Variants in NIPA1 observed in about 807,000 individuals in gnomAD.
NIPA1 encodes the protein NIPA magnesium transporter 1, also known as magnesium transporter NIPA1.
In NIPA1, 13 loss-of-function variants were observed where a neutral mutation model predicts 23.9. The observed-to-expected ratio is 0.54, with a 90% CI of 0.35 to 0.87. The LOEUF is 0.87. NIPA1 is among the 40% of genes least tolerant of loss of function. The pLI is 0.01. For synonymous variants in NIPA1, 234 were observed against 202.9 expected, an observed-to-expected ratio of 1.15 and a Z score of -1.30; for missense variants, 362 against 429.7, an observed-to-expected ratio of 0.84 and a Z score of 1.39.
intron 3 of NIPA1, 58 bp from the exon 4 acceptor site, chr15:22,820,255 A>T: frequency 8.3e-7 from 1 of 1,207,692 alleles, no homozygotes. Context: ...ATCTGCTGTT[A>T]GAAGAAAGGT....
At chr15:22,788,336 C>T (rs964106191) in intron 1 of NIPA1, among the ~76,000 whole-genome samples, 1 of 151,854 alleles carries the variant, frequency 6.6e-6, no homozygotes, top group African/African-American at 2.4e-5. Context: ...CCCATCTCTA[C>T]TAAAAATACA....
chr15:22,816,509 T>TTTC (rs1895423056), intron 3 of NIPA1, among the ~76,000 whole-genome samples: 1 of 132,948 alleles, frequency 7.5e-6, no homozygotes, highest in Non-Finnish European at 1.6e-5. Context: ...TTTTTTTTTT[T>TTTC]CAGATGGAGT....
At position 22,787,454 on chromosome 15, in the gene NIPA1, G is replaced by T. The variant is rs76483819; in HGVS notation, c.178+620G>T. On this transcript the variant is annotated intron_variant, in intron 1 of 4. Transcript: ENST00000337435. Reference sequence around the variant, plus strand: ...GCTGCGCCTTAGACCTGCACCAAATGAATACAAGTGATCTTCAGTTTGGAG... The same window carrying T: ...GCTGCGCCTTAGACCTGCACCAAATTAATACAAGTGATCTTCAGTTTGGAG... Among the ~76,000 whole-genome samples the T allele has an allele frequency of 2.4e-3, 370 of 152,350 alleles. 3 individuals carry two copies. Among genetic ancestry groups the T allele is most frequent in the African/African-American group, 8.3e-3 (347 of 41,582 alleles).
rs201663769 is a variant in NIPA1, at chr15:22,790,422, CTTTT to C, written c.178+3601_178+3604del. 3.0e-5 allele frequency among the ~76,000 whole-genome samples: 4 copies of C among 133,334 alleles called. No individual in the cohort carries two copies. The East Asian group carries it at 6.4e-4, about 21-fold the overall frequency. The allele number at this position is 133,334 out of a possible 152,430, so 87.5% of individuals were successfully genotyped here. On this transcript the variant is annotated intron_variant, in intron 1 of 4. Coordinates refer to ENST00000337435, the MANE Select transcript of NIPA1 (RefSeq NM_144599.5). ...CCTCCCGCCTCGGCCTCCCAAAGTG[CTTTT>C]TTTTTTTTTTTTGAGACGGAGTTTT...
intron 1 of NIPA1, among the ~76,000 whole-genome samples, chr15:22,792,369 T>TC (rs1261140221): frequency 1.3e-5 from 2 of 151,462 alleles, no homozygotes; most frequent in Non-Finnish European, 2.9e-5. Context: ...CTTTTTTCTT[T>TC]TTTTTTTGAG....
intron 2 of NIPA1, chr15:22,811,104 A>G (rs1339356669): frequency 5.1e-6 from 2 of 389,030 alleles, no homozygotes; most frequent in Non-Finnish European, 9.4e-6. Context: ...CGAAGAAATT[A>G]AAACAGCTCC....
rs980920949 is a variant in NIPA1 at position 22,818,675 on chromosome 15, T to C, written c.318-1638T>C. ...CCCAGGGCATGGTGGCGGGCATCTGTAATCCCAGCTACTCGGGAGGCTGAG... is the reference window on the plus strand; with the variant it reads ...CCCAGGGCATGGTGGCGGGCATCTGCAATCCCAGCTACTCGGGAGGCTGAG... On this transcript the variant is annotated intron_variant, in intron 3 of 4. Coordinates refer to ENST00000337435, the MANE Select transcript of NIPA1 (RefSeq NM_144599.5). Among the ~76,000 whole-genome samples, 11 of 151,850 alleles carry C rather than the reference T, an allele frequency of 7.2e-5. No homozygotes were observed. In the East Asian group the frequency reaches 1.9e-3, roughly 27 times the overall value.
Position 22,826,272 on chromosome 15 carries a change from A to G in NIPA1, c.*2033A>G, listed in dbSNP as rs1281602397. On this transcript the variant is annotated 3_prime_UTR_variant, in exon 5 of 5. Transcript: ENST00000337435. The stretch of plus-strand genomic sequence containing the variant: ...GTGAACTGAGAGCAGCAACAACATT[A>G]TTTTTTAAAAATCTTAAATCCTCTC... The G allele has an allele frequency of 8.8e-6, 1 of 114,058 alleles. No homozygotes were observed. Among genetic ancestry groups the G allele is most frequent in the Non-Finnish European group, 1.9e-5 (1 of 52,598 alleles). 7.1% of individuals were successfully genotyped at this position (114,058 alleles called of 1,614,324 possible). A position where few individuals can be genotyped will look rare whatever the true frequency, so the allele number is the denominator to read the frequency against.
At chr15:22,803,054 T>C (rs1895119878) in intron 1 of NIPA1, among the ~76,000 whole-genome samples, 1 of 152,012 alleles carries the variant, frequency 6.6e-6, no homozygotes, top group Non-Finnish European at 1.5e-5. Context: ...CCTACCGGGT[T>C]CAAGCGATTC....
intron 1 of NIPA1, among the ~76,000 whole-genome samples, chr15:22,802,606 G>T (rs533168261): frequency 1.3e-5 from 2 of 151,836 alleles, no homozygotes; most frequent in Non-Finnish European, 2.9e-5. Context: ...GATCTTAAAG[G>T]TACAGTTTGA....
In NIPA1 at chr15:22,820,410, C is replaced by G; in HGVS notation, c.415C>G (p.His139Asp). 6.2e-7 allele frequency: 1 copy of G among 1,612,628 alleles called. No individual in the cohort carries two copies. Among genetic ancestry groups the G allele is most frequent in the Non-Finnish European group, 8.5e-7 (1 of 1,178,622 alleles). Residue 139 changes from histidine (H) to aspartate (D), a missense_variant, in exon 4 of 5, where the codon CAC (histidine) becomes GAC (aspartate). Physicochemically the swap from His to Asp is moderately conservative, Grantham distance 81. Around this residue, in one of 2 missense-constraint regions of NIPA1, gnomAD observed 277 missense variants for 372.0 expected, o/e 0.74. Coordinates refer to ENST00000337435, the MANE Select transcript of NIPA1 (RefSeq NM_144599.5). ...SCAGSVVLII[H>D]SPKSESVTTQ... Reference sequence around the variant, plus strand: ...TGCAGGCTCCGTCGTGCTGATTATCCACTCCCCAAAGTCTGAGAGTGTGAC... The same window carrying G: ...TGCAGGCTCCGTCGTGCTGATTATCGACTCCCCAAAGTCTGAGAGTGTGAC...
At position 22,805,412 on chromosome 15, in the gene NIPA1, C is replaced by T. The variant is rs533287225; in HGVS notation, c.179-5337C>T. On this transcript the variant is annotated intron_variant, in intron 1 of 4. Transcript: ENST00000337435. Reference sequence around the variant, plus strand: ...TCTTAGAGAACTCTGTAGGACCGGGCGCGGTGGCTCACGCCTGTAATCCCA... The same window carrying T: ...TCTTAGAGAACTCTGTAGGACCGGGTGCGGTGGCTCACGCCTGTAATCCCA... Among the ~76,000 whole-genome samples the T allele has an allele frequency of 2.4e-3, 372 of 152,142 alleles. 2 individuals carry two copies. The highest frequency in any genetic ancestry group is 4.2e-3 in the South Asian group (20 of 4,810).
In NIPA1 at chr15:22,813,146, G is replaced by T. The variant is rs1276230956; in HGVS notation, c.317+893G>T. 2.6e-5 allele frequency among the ~76,000 whole-genome samples: 4 copies of T among 152,086 alleles called. No homozygotes were observed. In the South Asian group the frequency reaches 6.2e-4, roughly 24 times the overall value. ...GGATTTTTATTGTAGTTAGGTGGTG[G>T]GGTGGGCTGGGGGGCGGTTTGCATG... is the stretch of plus-strand genomic sequence containing the variant. On this transcript the variant is annotated intron_variant, in intron 3 of 4. Coordinates refer to ENST00000337435, the MANE Select transcript of NIPA1 (RefSeq NM_144599.5).
At chr15:22,800,960 G>A (rs1249605748) in intron 1 of NIPA1, among the ~76,000 whole-genome samples, 2 of 145,342 alleles carry the variant, frequency 1.4e-5, no homozygotes, top group African/African-American at 5.2e-5. Context: ...AAAAAAATTA[G>A]CCTGGTGTGA....
chr15:22,801,238 A>G (rs1035283412), intron 1 of NIPA1, among the ~76,000 whole-genome samples: 3 of 152,162 alleles, frequency 2.0e-5, no homozygotes, highest in Admixed American at 6.6e-5. Flanking sequence ...TTTACAGGGC[A>G]TGGACATTTC....
intron 1 of NIPA1, among the ~76,000 whole-genome samples, chr15:22,805,180 T>G (rs1239861399): frequency 6.6e-6 from 1 of 152,114 alleles, no homozygotes; most frequent in African/African-American, 2.4e-5. Context: ...GTCATAAAAC[T>G]TTGTCTTTTT....
rs1292853872 is a variant in NIPA1, at chr15:22,826,095, G to A, written c.*1856G>A. 1 of 152,108 alleles carries A rather than the reference G, an allele frequency of 6.6e-6. No individual in the cohort carries two copies. The highest frequency in any genetic ancestry group is 2.4e-5 in the African/African-American group (1 of 41,426). 9.4% of individuals were successfully genotyped at this position (152,108 alleles called of 1,614,324 possible). On this transcript the variant is annotated 3_prime_UTR_variant, in exon 5 of 5. Coordinates refer to ENST00000337435, the MANE Select transcript of NIPA1 (RefSeq NM_144599.5). ...TCAGTAAGAAAAAAAATGTGTTTTT[G>A]TAGGCAAAAAGAACATTTCTAAAGT...
At chr15:22,789,880 C>T (rs1023131606) in intron 1 of NIPA1, among the ~76,000 whole-genome samples, 46 of 152,036 alleles carry the variant, frequency 3.0e-4, no homozygotes, top group African/African-American at 1.0e-3. Flanking sequence ...TTGCAGCCCC[C>T]GCCTCCTAGG....
chr15:22,820,639 G>A (rs1462688830), intron 4 of NIPA1, among the ~76,000 whole-genome samples, 166 bp downstream of exon 4: 2 of 152,218 alleles, frequency 1.3e-5, no homozygotes, highest in Non-Finnish European at 2.9e-5. Flanking sequence ...TCAGTGGGCT[G>A]TGCTCGCAGG....
Sources: gnomAD v4.1 joint callset for allele counts (sites outside exome capture counted in the v4.1 genomes callset) on GRCh38, gnomAD v4.1.1 for gene constraint, gnomAD v4.1.1 regional missense constraint, MANE v1.5 for transcripts, NCBI Gene and HGNC (gene_info 2026-07-23, HGNC 2026-07-21) for gene names.